The following RAI1 variants were observed in gnomAD, a reference collection of about 807,000 sequenced individuals.
RAI1 encodes retinoic acid-induced protein 1.
In RAI1, 9 loss-of-function variants were observed where a neutral mutation model predicts 123.8. That is an observed-to-expected ratio of 0.07 (90% CI 0.04 to 0.13). The LOEUF (loss-of-function observed/expected upper bound fraction) is 0.13. Among genes scored for constraint, RAI1 ranks in the 10% least tolerant of loss-of-function variants. The pLI is 1.00. For synonymous variants in RAI1, 1,231 were observed against 1,127.3 expected (o/e 1.09, Z -1.84); for missense variants, 2,256 against 2,545.8 (o/e 0.89, Z 2.45).
chr17:17,692,175 C>T (rs562585437), intron 1 of RAI1, among the ~76,000 whole-genome samples: 1 of 152,322 alleles, frequency 6.6e-6, no homozygotes, highest in African/African-American at 2.4e-5. Context: ...ACAAAGAGGA[C>T]CTGGTCTCCT....
chr17:17,795,992 G>A lies in RAI1; in HGVS notation c.3044G>A (p.Cys1015Tyr). Reference protein sequence around the residue: ...RGLPEAEDSPCRAPVLPKDLL... With the variant: ...RGLPEAEDSPYRAPVLPKDLL... ...CTGCCCGAGGCCGAGGACTCCCCAT[G>A]CAGGGCACCAGTGCTGCCCAAAGAC... The change falls in exon 3 of 6, where the codon TGC becomes TAC. Residue 1015 changes from cysteine to tyrosine, a missense_variant. Cys to Tyr is a radical substitution (Grantham distance 194, BLOSUM62 -2). Coordinates refer to ENST00000353383, the MANE Select transcript of RAI1 (RefSeq NM_030665.4). The surrounding 1 kb of genome is among the most constrained non-coding windows in gnomAD (Gnocchi z 5.9). 1 of 1,599,316 alleles carries A rather than the reference G, an allele frequency of 6.3e-7. No individual in the cohort carries two copies. The highest frequency in any genetic ancestry group is 8.5e-7 in the Non-Finnish European group (1 of 1,174,866).
At chr17:17,802,183 C>T in intron 3 of RAI1, 1 of 470,774 alleles carries the variant, frequency 2.1e-6, no homozygotes. Flanking sequence ...GTGGGGCAGC[C>T]CCCAAGCTCA....
intron 1 of RAI1, among the ~76,000 whole-genome samples, chr17:17,703,005 C>T (rs889393661): frequency 3.9e-5 from 6 of 152,226 alleles, no homozygotes; most frequent in Admixed American, 2.0e-4. Context: ...ATCTCTCTGA[C>T]AGTGGTTAGC....
At chr17:17,777,504 G>T (rs1053332187) in intron 2 of RAI1, 1 of 152,258 alleles carries the variant, frequency 6.6e-6, no homozygotes, top group Non-Finnish European at 1.5e-5. Context: ...GTTTGTAGAT[G>T]CAAATGCCTA....
chr17:17,785,170 AG>A (rs2031781245), intron 2 of RAI1, among the ~76,000 whole-genome samples: 1 of 152,220 alleles, frequency 6.6e-6, no homozygotes, highest in Admixed American at 6.5e-5. Context: ...TGTGCTCCAC[AG>A]GTGAACCAGT....
At chr17:17,772,904 TG>T (rs2142995576) in intron 2 of RAI1, among the ~76,000 whole-genome samples, 1 of 152,096 alleles carries the variant, frequency 6.6e-6, no homozygotes, top group South Asian at 2.1e-4. Flanking sequence ...CAAGGGTGGA[TG>T]GGCAGGTGGG....
intron 2 of RAI1, among the ~76,000 whole-genome samples, chr17:17,738,473 C>T (rs1391626279): frequency 6.6e-6 from 1 of 152,120 alleles, no homozygotes; most frequent in South Asian, 2.1e-4. Context: ...GAGGAGCCTC[C>T]GCCACCTGGG....
chr17:17,715,867 T>C (rs1567843516), intron 1 of RAI1, among the ~76,000 whole-genome samples: 1 of 152,310 alleles, frequency 6.6e-6, no homozygotes, highest in Admixed American at 6.5e-5. Flanking sequence ...ATCGTACATA[T>C]TCTGTTCCAC....
chr17:17,708,171 G>C (rs1023179254), intron 1 of RAI1, among the ~76,000 whole-genome samples: 2 of 152,198 alleles, frequency 1.3e-5, no homozygotes, highest in African/African-American at 4.8e-5. Flanking sequence ...GCCACCCTCT[G>C]ATGGTGCTTC....
chr17:17,700,522 G>C (rs1416906989), intron 1 of RAI1, among the ~76,000 whole-genome samples: 2 of 152,136 alleles, frequency 1.3e-5, no homozygotes, highest in Admixed American at 1.3e-4. Flanking sequence ...CTGCGAACGC[G>C]CGGGTTTAAT....
At chr17:17,718,685 C>T (rs1195223861) in intron 1 of RAI1, among the ~76,000 whole-genome samples, 2 of 152,134 alleles carry the variant, frequency 1.3e-5, no homozygotes, top group Non-Finnish European at 2.9e-5. Flanking sequence ...GGGCTGGCAG[C>T]TGCAGACCTG....
chr17:17,803,700 G>A, intron 3 of RAI1, 56 bp from the exon 4 acceptor site: 1 of 1,529,964 alleles, frequency 6.5e-7, no homozygotes, highest in East Asian at 2.2e-5. Context: ...AGCCTGTAAA[G>A]CTTGAGGGCT....
rs794727523 is a variant in RAI1 at position 17,795,607 on chromosome 17, A to G, written c.2659A>G (p.Met887Val). The G allele has an allele frequency of 1.2e-6, 2 of 1,613,124 alleles. No individual in the cohort carries two copies. The highest frequency in any genetic ancestry group is 1.7e-6 in the Non-Finnish European group (2 of 1,179,812). ...LLGSPEQRPG[M>V]QDPLSPKAPL... ...GGGCAGCCCCGAGCAGAGGCCTGGC[A>G]TGCAGGACCCGCTGTCACCCAAGGC... The change falls in exon 3 of 6, where the codon ATG becomes GTG. Residue 887 changes from methionine (M) to valine (V), a missense_variant. Met to Val is a conservative substitution (Grantham distance 21). This residue lies in a region of RAI1 where 566 missense variants were observed against 616.0 expected (regional missense o/e 0.92). Coordinates refer to ENST00000353383, the MANE Select transcript of RAI1 (RefSeq NM_030665.4). The surrounding 1 kb of genome is among the most constrained non-coding windows in gnomAD (Gnocchi z 5.9).
At chr17:17,738,905 G>A (rs936371204) in intron 2 of RAI1, among the ~76,000 whole-genome samples, 1 of 152,184 alleles carries the variant, frequency 6.6e-6, no homozygotes, top group Non-Finnish European at 1.5e-5. Flanking sequence ...AAGTACACGG[G>A]CCCCAGCCTT....
chr17:17,790,408 A>G (rs1207607650), intron 2 of RAI1, among the ~76,000 whole-genome samples: 2 of 152,154 alleles, frequency 1.3e-5, no homozygotes, highest in Non-Finnish European at 2.9e-5. Context: ...TTAGCAATAG[A>G]TGCTTTCACC....
intron 1 of RAI1, among the ~76,000 whole-genome samples, chr17:17,683,220 T>G (rs1212801567): frequency 6.6e-6 from 1 of 152,226 alleles, no homozygotes; most frequent in Non-Finnish European, 1.5e-5. Context: ...TTATTTTATC[T>G]TTTTTTAGTT....
Position 17,794,125 on chromosome 17 carries a change from A to G in RAI1, c.1177A>G (p.Met393Val), listed in dbSNP as rs768925060. Residue 393 changes from methionine (M) to valine (V), a missense_variant, in exon 3 of 6, where the codon ATG becomes GTG. Around this residue, in one of 7 missense-constraint regions of RAI1, gnomAD observed 357 missense variants for 480.2 expected, o/e 0.74. Coordinates refer to ENST00000353383, the MANE Select transcript of RAI1 (RefSeq NM_030665.4). ...AGGGATCACTGACCACAGCCACTTCATGCCCCTGCTCAATCCCTCCCCAAC... is the reference window on the plus strand; with the variant it reads ...AGGGATCACTGACCACAGCCACTTCGTGCCCCTGCTCAATCCCTCCCCAAC... The part of the protein sequence containing the change: ...PAGITDHSHF[M>V]PLLNPSPTDA... 2.3e-5 allele frequency: 37 copies of G among 1,613,920 alleles called. No individual in the cohort carries two copies. The highest frequency in any genetic ancestry group is 3.3e-5 in the South Asian group (3 of 91,092).
intron 1 of RAI1, among the ~76,000 whole-genome samples, chr17:17,703,597 C>T (rs573241485): frequency 4.6e-5 from 7 of 152,254 alleles, no homozygotes; most frequent in East Asian, 3.9e-4. Context: ...AACTGAGGCT[C>T]ATAGAGGTTA....
intron 2 of RAI1, among the ~76,000 whole-genome samples, chr17:17,773,074 T>C (rs1032925971): frequency 1.5e-4 from 7 of 45,432 alleles, no homozygotes; most frequent in African/African-American, 8.4e-4. Flanking sequence ...GGTGGGTGGG[T>C]GGATGGATGG....
Sources: gnomAD v4.1 joint callset for allele counts (sites outside exome capture counted in the v4.1 genomes callset) on GRCh38, gnomAD v4.1.1 for gene constraint, gnomAD v4.1.1 regional missense constraint, Gnocchi (gnomAD v3.1) non-coding constraint, MANE v1.5 for transcripts, NCBI Gene and HGNC (gene_info 2026-07-23, HGNC 2026-07-21) for gene names.